The following PTPRT variants were observed in gnomAD, a reference collection of about 807,000 sequenced individuals.
The protein encoded by PTPRT is protein tyrosine phosphatase receptor type T, also known as receptor-type tyrosine-protein phosphatase T.
Under a neutral mutation model 176.8 loss-of-function variants are expected in PTPRT, and 56 were observed. That is an observed-to-expected ratio of 0.32 (90% CI 0.26 to 0.40). PTPRT has a LOEUF of 0.40. Among genes scored for constraint, PTPRT ranks in the 10% least tolerant of loss-of-function variants. PTPRT has a pLI of 1.00. For synonymous variants in PTPRT, 783 were observed against 739.0 expected (o/e 1.06, Z -0.96); for missense variants, 1,540 against 1,908.2 (o/e 0.81, Z 3.60).
At chr20:42,226,394 C>T (rs754479995) in intron 15 of PTPRT, among the ~76,000 whole-genome samples, 8 of 152,298 alleles carry the variant, frequency 5.3e-5, no homozygotes, top group Non-Finnish European at 1.2e-4. Context: ...CTGCTTGGCA[C>T]AGTCATCTAT....
At chr20:42,885,361 TATG>T (rs909955536) in intron 2 of PTPRT, among the ~76,000 whole-genome samples, 52 of 147,822 alleles carry the variant, frequency 3.5e-4, no homozygotes, top group South Asian at 8.4e-4. Flanking sequence ...TAGATAATAA[TATG>T]ATAATATATA....
chr20:42,917,617 C>G (rs1467896053), intron 1 of PTPRT, among the ~76,000 whole-genome samples: 1 of 152,140 alleles, frequency 6.6e-6, no homozygotes, highest in Non-Finnish European at 1.5e-5. Context: ...AGGAAAATCT[C>G]AGGAAAATTG....
intron 9 of PTPRT, among the ~76,000 whole-genome samples, chr20:42,393,076 C>T (rs758376858): frequency 8.6e-5 from 13 of 152,008 alleles, no homozygotes; most frequent in Non-Finnish European, 1.3e-4. Flanking sequence ...TATTTTGTAA[C>T]GATTCTTCTC....
intron 7 of PTPRT, among the ~76,000 whole-genome samples, chr20:42,622,248 T>G (rs936852789): frequency 1.0e-5 from 1 of 98,006 alleles, no homozygotes; most frequent in South Asian, 2.8e-4. Flanking sequence ...GACTTAAATT[T>G]TTTTTTTTTT....
chr20:42,290,812 G>A (rs779160383), intron 12 of PTPRT, among the ~76,000 whole-genome samples: 46 of 151,928 alleles, frequency 3.0e-4, no homozygotes, highest in Admixed American at 8.5e-4. Flanking sequence ...ATTTTAGGAT[G>A]CCTCTTCAAT....
intron 1 of PTPRT, among the ~76,000 whole-genome samples, chr20:43,029,811 G>A (rs1258019192): frequency 6.6e-6 from 1 of 152,192 alleles, no homozygotes; most frequent in Non-Finnish European, 1.5e-5. Context: ...TCCATTAAAT[G>A]CAGACAGTCA....
intron 7 of PTPRT, among the ~76,000 whole-genome samples, chr20:42,547,467 A>C (rs915081135): frequency 4.6e-5 from 7 of 152,228 alleles, no homozygotes; most frequent in African/African-American, 1.7e-4. Context: ...TTTTCAAATG[A>C]GGAAATATTT....
intron 1 of PTPRT, among the ~76,000 whole-genome samples, chr20:43,065,355 C>A (rs528034837): frequency 6.6e-6 from 1 of 152,286 alleles, no homozygotes; most frequent in South Asian, 2.1e-4. Flanking sequence ...AGAGCCAGGC[C>A]TGAAAGTGGT....
At chr20:42,438,077 C>T (rs1232014699) in intron 9 of PTPRT, among the ~76,000 whole-genome samples, 3 of 152,168 alleles carry the variant, frequency 2.0e-5, no homozygotes, top group Non-Finnish European at 1.5e-5. Flanking sequence ...CCATCTCTAG[C>T]CATGTGGCCA....
intron 1 of PTPRT, among the ~76,000 whole-genome samples, chr20:43,180,097 A>C (rs947492013): frequency 4.6e-5 from 7 of 152,184 alleles, no homozygotes; most frequent in African/African-American, 1.7e-4. Flanking sequence ...AACAGAACAA[A>C]AAGGTAGAGA....
At chr20:42,709,838 C>T (rs2146195504) in intron 6 of PTPRT, among the ~76,000 whole-genome samples, 1 of 152,242 alleles carries the variant, frequency 6.6e-6, no homozygotes, top group Non-Finnish European at 1.5e-5. Flanking sequence ...CAGTGAAGGC[C>T]AGGCTGATGA....
At position 42,990,341 on chromosome 20, in the gene PTPRT, G is replaced by T. The variant is rs201512970; in HGVS notation, c.89-104409C>A. ...AGATACTGCATTGAGGATTTGTTCA[G>T]CTTTTTTTTAATGTTGGTATTTATG... On this transcript the variant is annotated intron_variant, in intron 1 of 30. Coordinates refer to ENST00000373187, the MANE Select transcript of PTPRT (RefSeq NM_007050.6). Among the ~76,000 whole-genome samples the T allele has an allele frequency of 1.2e-4, 19 of 152,210 alleles. No individual in the cohort carries two copies. The East Asian group carries it at 3.7e-3, about 29-fold the overall frequency.
intron 9 of PTPRT, among the ~76,000 whole-genome samples, chr20:42,374,678 T>G (rs2145611335): frequency 6.6e-6 from 1 of 152,306 alleles, no homozygotes; most frequent in South Asian, 2.1e-4. Context: ...GGAAAAGAGA[T>G]TCCACCTCAC....
chr20:42,505,446 C>T (rs753688213), intron 7 of PTPRT, among the ~76,000 whole-genome samples: 6 of 151,978 alleles, frequency 3.9e-5, no homozygotes, highest in East Asian at 1.9e-4. Flanking sequence ...GGATTACAGG[C>T]GCCCACCACC....
intron 15 of PTPRT, among the ~76,000 whole-genome samples, chr20:42,213,696 T>C (rs1165100717): frequency 2.0e-5 from 3 of 151,964 alleles, no homozygotes; most frequent in Non-Finnish European, 4.4e-5. Context: ...ACAACAAAGG[T>C]GGCGATGGGA....
intron 1 of PTPRT, among the ~76,000 whole-genome samples, chr20:42,918,869 T>C (rs1271148195): frequency 6.6e-6 from 1 of 152,196 alleles, no homozygotes; most frequent in Admixed American, 6.5e-5. Context: ...AAGCTGAATC[T>C]GGGTGCCCTA....
At chr20:42,918,848 A>C (rs925337391) in intron 1 of PTPRT, among the ~76,000 whole-genome samples, 2 of 152,142 alleles carry the variant, frequency 1.3e-5, no homozygotes, top group Non-Finnish European at 2.9e-5. Flanking sequence ...TCCACAGAAA[A>C]GATGGGCAAA....
At chr20:42,162,032 TCTA>T (rs1361838290) in intron 16 of PTPRT, among the ~76,000 whole-genome samples, 1 of 152,160 alleles carries the variant, frequency 6.6e-6, no homozygotes, top group Admixed American at 6.5e-5. Flanking sequence ...ACCTGGCTTC[TCTA>T]CTATTTTTTT....
chr20:43,054,807 C>A (rs372681243), intron 1 of PTPRT, among the ~76,000 whole-genome samples: 1 of 152,042 alleles, frequency 6.6e-6, no homozygotes, highest in East Asian at 1.9e-4. Context: ...GTGGGGGGAG[C>A]AGCAAAGACA....
Sources: gnomAD v4.1 joint callset for allele counts (sites outside exome capture counted in the v4.1 genomes callset) on GRCh38, gnomAD v4.1.1 for gene constraint, MANE v1.5 for transcripts, NCBI Gene and HGNC (gene_info 2026-07-23, HGNC 2026-07-21) for gene names.